ADAMTSL1: variants seen among roughly 807,000 people sequenced by gnomAD.
ADAMTSL1 encodes ADAMTS like 1.
Under a neutral mutation model 201.8 loss-of-function variants are expected in ADAMTSL1, and 126 were observed. That is an observed-to-expected ratio of 0.62 (90% CI 0.54 to 0.72). The LOEUF is 0.72. ADAMTSL1 is among the 30% of genes least tolerant of loss of function. The pLI, the probability that ADAMTSL1 is intolerant of heterozygous loss-of-function variation, is 0.00. For synonymous variants in ADAMTSL1, 1,121 were observed against 903.4 expected, an observed-to-expected ratio of 1.24 and a Z score of -4.32; for missense variants, 2,679 against 2,277.8, an observed-to-expected ratio of 1.18 and a Z score of -3.59.
At chr9:18,573,057 T>G (rs542873142) in intron 3 of ADAMTSL1, among the ~76,000 whole-genome samples, 1 of 152,336 alleles carries the variant, frequency 6.6e-6, no homozygotes, top group Admixed American at 6.5e-5. Flanking sequence ...TAATGGCCAT[T>G]GTTAGCCATA....
At chr9:17,931,206 C>G (rs1826769858) in intron 1 of ADAMTSL1, among the ~76,000 whole-genome samples, 1 of 152,178 alleles carries the variant, frequency 6.6e-6, no homozygotes, top group African/African-American at 2.4e-5. Flanking sequence ...CCTGGCCATC[C>G]TTCAGATTTG....
In ADAMTSL1 at chr9:17,946,128, GA is replaced by G. The variant is rs375549048; in HGVS notation, c.87+39209del. ...TGTGTGTGTACAAACAGAATTGAATGAAATAGCATCTCTCATGACCACCATG... is the reference window on the plus strand; with the variant it reads ...TGTGTGTGTACAAACAGAATTGAATGAATAGCATCTCTCATGACCACCATG... On this transcript the variant is annotated intron_variant, in intron 1 of 29. Transcript: ENST00000680146. Among the ~76,000 whole-genome samples, 704 of 147,484 alleles carry G rather than the reference GA, an allele frequency of 4.8e-3. 7 individuals are homozygous for G. The highest frequency in any genetic ancestry group is 0.017 in the African/African-American group (666 of 40,098).
At chr9:18,019,486 A>G (rs1304324282) in intron 1 of ADAMTSL1, among the ~76,000 whole-genome samples, 2 of 152,100 alleles carry the variant, frequency 1.3e-5, no homozygotes, top group Non-Finnish European at 2.9e-5. Context: ...TTGGTGTTCT[A>G]TTCAGTCACA....
rs1376202509 is a variant in ADAMTSL1 at position 18,381,671 on chromosome 9, AT to A, written c.208-123155del. On this transcript the variant is annotated intron_variant, in intron 2 of 29. Transcript: ENST00000680146. ...AATGAAATGCGTGTAGAAATGTGGA[AT>A]TTACACTTGATGAAGGGCCATGATG... Among the ~76,000 whole-genome samples the A allele has an allele frequency of 2.0e-5, 3 of 152,164 alleles. No individual in the cohort carries two copies. The East Asian group carries it at 5.8e-4, about 29-fold the overall frequency.
intron 26 of ADAMTSL1, among the ~76,000 whole-genome samples, chr9:18,900,132 CA>C (rs1563903359): frequency 6.6e-6 from 1 of 152,142 alleles, no homozygotes; most frequent in Non-Finnish European, 1.5e-5. Flanking sequence ...CATGAACAGA[CA>C]GTTCTCAAAA....
intron 2 of ADAMTSL1, among the ~76,000 whole-genome samples, chr9:18,527,345 T>C (rs1034825893): frequency 6.6e-6 from 1 of 152,188 alleles, no homozygotes; most frequent in Non-Finnish European, 1.5e-5. Context: ...AAGTGTTAAA[T>C]GCAGAATGAC....
intron 2 of ADAMTSL1, among the ~76,000 whole-genome samples, chr9:18,255,264 G>A (rs2036750328): frequency 6.6e-6 from 1 of 152,142 alleles, no homozygotes; most frequent in Admixed American, 6.5e-5. Context: ...AGGGGGCGCT[G>A]CCGCATTCTT....
At chr9:18,166,080 G>A (rs144251213) in intron 2 of ADAMTSL1, among the ~76,000 whole-genome samples, 4 of 152,038 alleles carry the variant, frequency 2.6e-5, no homozygotes, top group African/African-American at 4.8e-5. Flanking sequence ...GATGAAAAAG[G>A]TTGAGCAGCA....
chr9:18,716,930 C>T (rs1461690839), intron 14 of ADAMTSL1, among the ~76,000 whole-genome samples: 1 of 140,328 alleles, frequency 7.1e-6, no homozygotes, highest in Non-Finnish European at 1.6e-5. Context: ...GAGTTCATGT[C>T]CTTTGTAGGG....
At chr9:18,645,418 T>G (rs150876518) in intron 7 of ADAMTSL1, among the ~76,000 whole-genome samples, 2 of 151,980 alleles carry the variant, frequency 1.3e-5, no homozygotes, top group Non-Finnish European at 2.9e-5. Context: ...CAGTTTTGGC[T>G]TTTGTTGCCA....
chr9:18,437,724 A>T (rs1439354666), intron 2 of ADAMTSL1, among the ~76,000 whole-genome samples: 1 of 152,088 alleles, frequency 6.6e-6, no homozygotes, highest in East Asian at 1.9e-4. Context: ...AAAGCTCTTG[A>T]CCCAGAACAG....
At chr9:18,532,332 T>G (rs188080441) in intron 2 of ADAMTSL1, among the ~76,000 whole-genome samples, 86 of 152,292 alleles carry the variant, frequency 5.6e-4, no homozygotes, top group African/African-American at 1.8e-3. Context: ...GTTCATTCCC[T>G]TTAGTCTAGT....
rs142777947 is a variant in ADAMTSL1, at chr9:18,196,970, T to A, written c.207+32989T>A. 3.9e-5 allele frequency among the ~76,000 whole-genome samples: 6 copies of A among 152,230 alleles called. No individual in the cohort carries two copies. In the East Asian group the frequency reaches 1.2e-3, roughly 29 times the overall value. On this transcript the variant is annotated intron_variant, in intron 2 of 29. Transcript: ENST00000680146. ...CTATAGCTTCACTCCCTCACACACA[T>A]GCTAATTCTCTATCTTTGTCTCATG... is the stretch of plus-strand genomic sequence containing the variant.
intron 3 of ADAMTSL1, among the ~76,000 whole-genome samples, chr9:18,556,927 G>C (rs116343520): frequency 6.9e-4 from 105 of 152,048 alleles, no homozygotes; most frequent in African/African-American, 2.4e-3. Context: ...GAAGCTTTTT[G>C]AGACCTGAAA....
At chr9:18,493,733 T>C (rs1230601296) in intron 1 of ADAMTSL1, among the ~76,000 whole-genome samples, 1 of 152,250 alleles carries the variant, frequency 6.6e-6, no homozygotes, top group Non-Finnish European at 1.5e-5. Context: ...ATCTGCAGCT[T>C]CTGCATACAT....
At chr9:17,914,099 A>C (rs886495503) in intron 1 of ADAMTSL1, among the ~76,000 whole-genome samples, 4 of 152,062 alleles carry the variant, frequency 2.6e-5, no homozygotes, top group Admixed American at 6.6e-5. Flanking sequence ...GGTACAAGGA[A>C]GAACTGGTAC....
At chr9:18,596,351 TC>T (rs1824261007) in intron 4 of ADAMTSL1, among the ~76,000 whole-genome samples, 1 of 152,232 alleles carries the variant, frequency 6.6e-6, no homozygotes, top group Non-Finnish European at 1.5e-5. Context: ...AAATTTGAAG[TC>T]CAGCTTCTGA....
chr9:18,016,207 A>G (rs77043359), intron 1 of ADAMTSL1, among the ~76,000 whole-genome samples: 3,157 of 152,074 alleles, frequency 0.021, 124 homozygotes, highest in African/African-American at 0.073. Flanking sequence ...CAGAAACACA[A>G]TTAGTTGTCA....
chr9:18,502,764 C>T (rs139204170), intron 1 of ADAMTSL1, among the ~76,000 whole-genome samples: 1,912 of 152,182 alleles, frequency 0.013, 16 homozygotes, highest in Non-Finnish European at 0.019. Flanking sequence ...CAAGAGGCTG[C>T]AAGGTCGTAC....
Sources: gnomAD v4.1 joint callset for allele counts (sites outside exome capture counted in the v4.1 genomes callset) on GRCh38, gnomAD v4.1.1 for gene constraint, MANE v1.5 for transcripts, NCBI Gene and HGNC (gene_info 2026-07-23, HGNC 2026-07-21) for gene names.